KPNA5: variants seen among roughly 807,000 people sequenced by gnomAD.
KPNA5 encodes the protein importin subunit alpha-6.
Under a neutral mutation model 71.3 loss-of-function variants are expected in KPNA5, and 46 were observed. The observed-to-expected ratio is 0.65, with a 90% confidence interval of 0.51 to 0.83. The LOEUF is 0.83. KPNA5 is among the 40% of genes least tolerant of loss of function. The pLI, the probability that KPNA5 is intolerant of heterozygous loss-of-function variation, is 0.00. For missense variants in KPNA5, 547 were observed against 628.3 expected (o/e 0.87, Z 1.38); for synonymous variants, 207 against 201.4 (o/e 1.03, Z -0.24).
At chr6:116,703,595 A>G (rs1050667163) in intron 6 of KPNA5, among the ~76,000 whole-genome samples, 3 of 152,144 alleles carry the variant, frequency 2.0e-5, no homozygotes, top group Non-Finnish European at 2.9e-5. Flanking sequence ...CTTACTATGT[A>G]TTTCAAAGTC....
At chr6:116,730,243 T>C (rs1223870306) in intron 13 of KPNA5, among the ~76,000 whole-genome samples, 2 of 151,730 alleles carry the variant, frequency 1.3e-5, no homozygotes, top group Non-Finnish European at 2.9e-5. Context: ...CATGCCACCA[T>C]GCCCGGCTGA....
chr6:116,698,835 A>T (rs1778124444), intron 5 of KPNA5, 37 bp downstream of exon 5: 1 of 1,233,660 alleles, frequency 8.1e-7, no homozygotes, highest in African/African-American at 1.6e-5. Context: ...TTTTCTCTAG[A>T]AATGACATGT....
chr6:116,689,479 T>C (rs890848853), intron 2 of KPNA5, 26 bp downstream of exon 2: 1 of 1,527,004 alleles, frequency 6.5e-7, no homozygotes, highest in African/African-American at 1.4e-5. Context: ...TATTTAATTT[T>C]GTTTTTTAAA....
chr6:116,690,277 G>A (rs546974829), intron 2 of KPNA5, among the ~76,000 whole-genome samples: 17 of 152,116 alleles, frequency 1.1e-4, no homozygotes, highest in Admixed American at 2.0e-4. Context: ...TATCTACAGC[G>A]TCTAACACAA....
chr6:116,711,617 T>C (rs1309918744), intron 7 of KPNA5, among the ~76,000 whole-genome samples: 2 of 151,896 alleles, frequency 1.3e-5, no homozygotes, highest in Non-Finnish European at 2.9e-5. Context: ...AGTTCTGAAT[T>C]TTCTAGTTTT....
At position 116,705,838 on chromosome 6, in the gene KPNA5, T is replaced by C. The variant is rs143490716; in HGVS notation, c.656+678T>C. Among the ~76,000 whole-genome samples the C allele has an allele frequency of 3.9e-3, 601 of 152,338 alleles. 15 individuals are homozygous for C. In the South Asian group the frequency reaches 0.041, roughly 10 times the overall value. On this transcript the variant is annotated intron_variant, in intron 7 of 13. Coordinates refer to ENST00000368564, the MANE Select transcript of KPNA5 (RefSeq NM_001366306.2). Reference sequence around the variant, plus strand: ...TTTCTGCATGGAGGTGCGTTTTCCATGCTCTCCAGCTGAGGAATTGAATAG... The same window carrying C: ...TTTCTGCATGGAGGTGCGTTTTCCACGCTCTCCAGCTGAGGAATTGAATAG...
At chr6:116,691,832 C>T (rs953741533) in intron 2 of KPNA5, among the ~76,000 whole-genome samples, 6 of 152,164 alleles carry the variant, frequency 3.9e-5, no homozygotes, top group South Asian at 4.1e-4. Context: ...TTGAAAGTGA[C>T]GTGAAGTAGT....
At chr6:116,715,727 C>A (rs907833195) in intron 7 of KPNA5, among the ~76,000 whole-genome samples, 2 of 151,970 alleles carry the variant, frequency 1.3e-5, no homozygotes, top group African/African-American at 2.4e-5. Context: ...ACCAGCCTGG[C>A]CAAGATGGTG....
At chr6:116,699,232 T>C (rs1025084448) in intron 5 of KPNA5, among the ~76,000 whole-genome samples, 1 of 152,100 alleles carries the variant, frequency 6.6e-6, no homozygotes, top group Non-Finnish European at 1.5e-5. Context: ...AGTAGAAATG[T>C]GACCAGAGGT....
chr6:116,720,171 T>G (rs893683161), intron 8 of KPNA5, among the ~76,000 whole-genome samples: 2 of 152,210 alleles, frequency 1.3e-5, no homozygotes, highest in African/African-American at 4.8e-5. Context: ...CCGTTTCCCC[T>G]GCTGTCTGTG....
At chr6:116,713,106 A>C (rs1270610136) in intron 7 of KPNA5, among the ~76,000 whole-genome samples, 1 of 152,202 alleles carries the variant, frequency 6.6e-6, no homozygotes, top group African/African-American at 2.4e-5. Context: ...GAGGAATTAC[A>C]AACCAAAAAA....
intron 8 of KPNA5, among the ~76,000 whole-genome samples, chr6:116,719,834 G>GA (rs1779038279): frequency 1.3e-5 from 2 of 151,514 alleles, no homozygotes; most frequent in Non-Finnish European, 2.9e-5. Flanking sequence ...TTGGGCAACA[G>GA]AGCAAGACCC....
intron 1 of KPNA5, 118 bp downstream of exon 1, chr6:116,681,456 A>G (rs903381750): frequency 7.0e-7 from 1 of 1,420,092 alleles, no homozygotes; most frequent in Admixed American, 3.2e-5. Context: ...GGTCTCTGGA[A>G]CCTGGCGGTG....
intron 7 of KPNA5, among the ~76,000 whole-genome samples, chr6:116,708,794 T>A (rs890189289): frequency 2.0e-5 from 3 of 152,178 alleles, no homozygotes; most frequent in Non-Finnish European, 2.9e-5. Flanking sequence ...TTTATTTTTT[T>A]ATTTAATTTG....
chr6:116,698,748 G>C lies in KPNA5; in HGVS notation c.385G>C (p.Val129Leu). ...IDQVIQKPGV[V>L]QRFVKFLERN... ...TCAAGTTATACAGAAACCAGGAGTTGTACAGAGATTTGTGAAATTTCTTGA... is the reference window on the plus strand; with the variant it reads ...TCAAGTTATACAGAAACCAGGAGTTCTACAGAGATTTGTGAAATTTCTTGA... The change falls in exon 5 of 14, where the codon GTA (valine) becomes CTA (leucine). Residue 129 changes from valine to leucine, a missense_variant. By Grantham distance (32) the Val-to-Leu change is conservative. Transcript: ENST00000368564. 1.9e-6 allele frequency: 3 copies of C among 1,601,684 alleles called. No individual in the cohort carries two copies. The highest frequency in any genetic ancestry group is 2.6e-6 in the Non-Finnish European group (3 of 1,174,370).
Position 116,703,326 on chromosome 6 carries a change from G to A in KPNA5, c.567+1176G>A, listed in dbSNP as rs534449440. Among the ~76,000 whole-genome samples the A allele has an allele frequency of 1.3e-4, 20 of 151,148 alleles. No individual in the cohort carries two copies. The South Asian group carries it at 4.2e-3, about 32-fold the overall frequency. On this transcript the variant is annotated intron_variant, in intron 6 of 13. Transcript: ENST00000368564. The stretch of plus-strand genomic sequence containing the variant: ...CCCCCACGCTGGAATGCAATGGCGC[G>A]ATCTCGGCTCACTGCAACTTCCACC...
rs1029995686 is a variant in KPNA5 at position 116,701,886 on chromosome 6, C to T, written c.436-133C>T. The stretch of plus-strand genomic sequence containing the variant: ...TATGAGTTTTTATCCTTAAATCTGA[C>T]TTCACAATGAATCTTAATATAAGTC... On this transcript the variant is annotated intron_variant, in intron 5 of 13. Coordinates refer to ENST00000368564, the MANE Select transcript of KPNA5 (RefSeq NM_001366306.2). The T allele has an allele frequency of 1.4e-5, 9 of 650,806 alleles. No individual in the cohort carries two copies. The African/African-American group carries it at 1.7e-4, about 12-fold the overall frequency. The allele number at this position is 650,806 out of a possible 1,614,324, so 40.3% of individuals were successfully genotyped here.
intron 7 of KPNA5, among the ~76,000 whole-genome samples, chr6:116,709,928 T>TTTTTGTA (rs1306240384): frequency 6.6e-6 from 1 of 152,002 alleles, no homozygotes; most frequent in Non-Finnish European, 1.5e-5. Flanking sequence ...GCCCAGCTAA[T>TTTTTGTA]TTTTGTATTT....
intron 7 of KPNA5, among the ~76,000 whole-genome samples, chr6:116,712,702 C>T (rs1337410769): frequency 3.3e-5 from 5 of 152,068 alleles, no homozygotes; most frequent in Admixed American, 6.5e-5. Flanking sequence ...TGGCCTCAAG[C>T]GATTCTCCTG....
Sources: allele counts gnomAD v4.1 joint callset (sites outside exome capture counted in the v4.1 genomes callset), GRCh38; gene constraint gnomAD v4.1.1; transcripts MANE v1.5; gene names NCBI Gene and HGNC (gene_info 2026-07-23, HGNC 2026-07-21).